The following FLT3 variants were observed in gnomAD, a reference collection of about 807,000 sequenced individuals.
FLT3 encodes the protein fms related receptor tyrosine kinase 3.
In FLT3, 46 loss-of-function variants were observed where a neutral mutation model predicts 126.6. That is an observed-to-expected ratio of 0.36 (90% CI 0.29 to 0.46). FLT3 has a LOEUF of 0.46. FLT3 is among the 20% of genes least tolerant of loss of function. FLT3 has a pLI of 1.00. For missense variants in FLT3, 1,069 were observed against 1,190.3 expected, an observed-to-expected ratio of 0.90 and a Z score of 1.50; for synonymous variants, 404 against 434.4, an observed-to-expected ratio of 0.93 and a Z score of 0.87.
chr13:28,027,189 A>G lies in FLT3; in HGVS notation c.2106T>C (p.Tyr702=). The stretch of plus-strand genomic sequence containing the variant: ...GAAATTTTTCTCTTTTACTTCTTAG[A>G]TAGTTGAGAAGATCACCATAGCAAC... ...EYCCYGDLLN[Y]LRSKREKFHR... The change falls in exon 17 of 24, where the codon TAT becomes TAC. Residue 702 remains tyrosine (Y), a synonymous_variant. Coordinates refer to ENST00000241453, the MANE Select transcript of FLT3 (RefSeq NM_004119.3). 1 of 1,612,136 alleles carries G rather than the reference A, an allele frequency of 6.2e-7. No homozygotes were observed. The highest frequency in any genetic ancestry group is 8.5e-7 in the Non-Finnish European group (1 of 1,178,184).
At chr13:28,098,068 G>A (rs4575382) in intron 1 of FLT3, among the ~76,000 whole-genome samples, 24,446 of 151,810 alleles carry the variant, frequency 0.16, 2,060 homozygotes, top group Middle Eastern at 0.25. Flanking sequence ...TAATCCCAGC[G>A]CTTTGGGAGG....
In FLT3 at chr13:28,049,424, A is replaced by T. The variant is rs1875217844; in HGVS notation, c.996T>A (p.Ser332=). The part of the protein sequence containing the change: ...RNDTGYYTCS[S]SKHPSQSALV... ...AAGCTGATTGACTGGGATGCTTTGA[A>T]GAGGAACAAGTGTAGTATCCGGTGT... The change falls in exon 8 of 24, where the codon TCT becomes TCA. Residue 332 remains serine (S), a synonymous_variant. Coordinates refer to ENST00000241453, the MANE Select transcript of FLT3 (RefSeq NM_004119.3). 2 of 1,614,098 alleles carry T rather than the reference A, an allele frequency of 1.2e-6. No homozygotes were observed. Among genetic ancestry groups the T allele is most frequent in the Non-Finnish European group, 1.7e-6 (2 of 1,179,992 alleles).
intron 10 of FLT3, among the ~76,000 whole-genome samples, chr13:28,036,334 C>G (rs183844322): frequency 4.5e-4 from 69 of 152,276 alleles, no homozygotes; most frequent in Non-Finnish European, 7.9e-4. Context: ...GCCTCCAGAC[C>G]TCTGGTAATT....
At chr13:28,035,773 A>C in intron 11 of FLT3, 100 bp from the exon 12 acceptor site, 1 of 1,322,060 alleles carries the variant, frequency 7.6e-7, no homozygotes. Flanking sequence ...ATCCAGTATA[A>C]GTTATCAGAA....
chr13:28,009,511 T>G (rs1871188974), intron 23 of FLT3: 1 of 152,246 alleles, frequency 6.6e-6, no homozygotes, highest in African/African-American at 2.4e-5. Flanking sequence ...AAAAGATCTC[T>G]TTCTTACTGT....
chr13:28,099,169 CTT>C (rs1241684494), intron 1 of FLT3, among the ~76,000 whole-genome samples: 1 of 152,126 alleles, frequency 6.6e-6, no homozygotes, highest in Non-Finnish European at 1.5e-5. Context: ...TTCCATGCAG[CTT>C]AAATATCGTT....
At chr13:28,082,766 C>T (rs771249354) in intron 1 of FLT3, among the ~76,000 whole-genome samples, 17 of 152,096 alleles carry the variant, frequency 1.1e-4, no homozygotes, top group South Asian at 4.2e-4. Flanking sequence ...TGCAGTGGCG[C>T]GATCTCAGCT....
intron 15 of FLT3, among the ~76,000 whole-genome samples, chr13:28,031,311 G>A (rs187690766): frequency 6.6e-6 from 1 of 152,294 alleles, no homozygotes; most frequent in Non-Finnish European, 1.5e-5. Flanking sequence ...AGCCTTGGAG[G>A]GGTGGAGAAA....
chr13:28,077,310 A>T (rs1878021007), intron 1 of FLT3, among the ~76,000 whole-genome samples: 1 of 152,120 alleles, frequency 6.6e-6, no homozygotes, highest in African/African-American at 2.4e-5. Flanking sequence ...AAGAGGTTTA[A>T]TTGGATTTAC....
intron 15 of FLT3, among the ~76,000 whole-genome samples, chr13:28,032,681 CACA>C (rs1873452935): frequency 6.6e-6 from 1 of 151,854 alleles, no homozygotes; most frequent in African/African-American, 2.4e-5. Flanking sequence ...CAAAATCAGC[CACA>C]ACAACAAAAG....
chr13:28,015,320 C>T, intron 21 of FLT3, 64 bp from the exon 22 acceptor site: 2 of 1,075,210 alleles, frequency 1.9e-6, no homozygotes, highest in Non-Finnish European at 2.8e-6. Context: ...TTGATTCATT[C>T]AATTAAACAC....
chr13:28,070,698 A>T, intron 1 of FLT3, 86 bp from the exon 2 acceptor site: 1 of 1,044,612 alleles, frequency 9.6e-7, no homozygotes, highest in South Asian at 1.5e-5. Context: ...AAACAACAAA[A>T]CAAAGTGTAA....
chr13:28,004,738 G>A (rs1593201221), intron 23 of FLT3, among the ~76,000 whole-genome samples: 1 of 152,032 alleles, frequency 6.6e-6, no homozygotes, highest in Non-Finnish European at 1.5e-5. Flanking sequence ...AGCAATTTTG[G>A]TCCTTTTATT....
chr13:28,010,979 G>A (rs1420694802), intron 23 of FLT3, among the ~76,000 whole-genome samples: 1 of 151,626 alleles, frequency 6.6e-6, no homozygotes, highest in East Asian at 1.9e-4. Flanking sequence ...CTCCAGCCTG[G>A]GTGACGGAGT....
chr13:28,032,031 C>A (rs1430514713), intron 15 of FLT3, among the ~76,000 whole-genome samples: 1 of 152,054 alleles, frequency 6.6e-6, no homozygotes, highest in Non-Finnish European at 1.5e-5. Flanking sequence ...AGACACTAAT[C>A]GGAAACCTGA....
intron 1 of FLT3, among the ~76,000 whole-genome samples, chr13:28,091,482 A>G (rs1232241683): frequency 2.0e-5 from 3 of 150,908 alleles, no homozygotes; most frequent in South Asian, 2.1e-4. Context: ...CGGCCTCCCA[A>G]AGTGCTGGGA....
chr13:28,012,268 C>A (rs890028537), intron 23 of FLT3, among the ~76,000 whole-genome samples: 3 of 152,090 alleles, frequency 2.0e-5, no homozygotes, highest in Non-Finnish European at 4.4e-5. Context: ...GGATATGTTG[C>A]CATTCAACGG....
chr13:28,035,538 A>G lies in FLT3; in HGVS notation c.1554T>C (p.Asn518=). Reference sequence around the variant, plus strand: ...TCGTCTCACAAGATGTGCCAAGGGAATTGTATGCACAGCACTTGACCAGGA... The same window carrying G: ...TCGTCTCACAAGATGTGCCAAGGGAGTTGTATGCACAGCACTTGACCAGGA... ...KGFLVKCCAY[N]SLGTSCETIL... Residue 518 remains asparagine, a synonymous_variant, in exon 12 of 24, where the codon AAT becomes AAC. Transcript: ENST00000241453. 1 of 1,614,182 alleles carries G rather than the reference A, an allele frequency of 6.2e-7. No homozygotes were observed.
chr13:28,091,277 A>C (rs567354593), intron 1 of FLT3, among the ~76,000 whole-genome samples: 6 of 112,878 alleles, frequency 5.3e-5, no homozygotes, highest in African/African-American at 1.8e-4. Context: ...GCTGGAGTGC[A>C]GTGGCGCGAT....
Sources: gnomAD v4.1 joint callset for allele counts (sites outside exome capture counted in the v4.1 genomes callset) on GRCh38, gnomAD v4.1.1 for gene constraint, MANE v1.5 for transcripts, NCBI Gene and HGNC (gene_info 2026-07-23, HGNC 2026-07-21) for gene names.